Variants in DPYD observed in about 807,000 individuals in gnomAD.
DPYD encodes dihydropyrimidine dehydrogenase.
A neutral mutation model predicts 116.2 loss-of-function variants in DPYD; 109 were observed. That is an observed-to-expected ratio of 0.94 (90% confidence interval 0.80 to 1.10). The LOEUF is 1.10. DPYD is among the 50% of genes least tolerant of loss of function. The probability of loss-of-function intolerance (pLI) is 0.00; values close to 1 mark genes in which losing one functional copy is unlikely to be tolerated. For synonymous variants in DPYD, 440 were observed against 432.0 expected, an observed-to-expected ratio of 1.02 and a Z score of -0.23; for missense variants, 1,302 against 1,254.5, an observed-to-expected ratio of 1.04 and a Z score of -0.57.
chr1:97,532,284 A>T (rs917177091), intron 12 of DPYD, among the ~76,000 whole-genome samples: 3 of 152,104 alleles, frequency 2.0e-5, no homozygotes, highest in African/African-American at 7.2e-5. Flanking sequence ...TTGGTTTGCT[A>T]ATATTTCATT....
intron 18 of DPYD, among the ~76,000 whole-genome samples, chr1:97,264,605 T>C (rs1300041360): frequency 6.6e-6 from 1 of 152,204 alleles, no homozygotes; most frequent in Non-Finnish European, 1.5e-5. Flanking sequence ...CTAAATCCTA[T>C]TTTAACTTTT....
chr1:97,708,274 G>A (rs913095741), intron 5 of DPYD, among the ~76,000 whole-genome samples: 1 of 152,034 alleles, frequency 6.6e-6, no homozygotes, highest in African/African-American at 2.4e-5. Flanking sequence ...AAAGAGTTCT[G>A]TAGTTTTGTA....
intron 1 of DPYD, among the ~76,000 whole-genome samples, chr1:97,893,146 T>C (rs1672859007): frequency 6.6e-6 from 1 of 151,666 alleles, no homozygotes; most frequent in African/African-American, 2.4e-5. Context: ...ATATTGTCAA[T>C]TCTGAATGTA....
chr1:97,893,804 C>T (rs1672904255), intron 1 of DPYD, among the ~76,000 whole-genome samples: 1 of 151,470 alleles, frequency 6.6e-6, no homozygotes, highest in Admixed American at 6.6e-5. Context: ...TTTGCAAGGC[C>T]CAGTGTGTGA....
In DPYD at chr1:97,677,974, C is replaced by A. The variant is rs1406786631; in HGVS notation, c.850+1121G>T. On this transcript the variant is annotated intron_variant, in intron 8 of 22. Transcript: ENST00000370192. ...GAGTGTGAACTGCCGAAGAGACAGA[C>A]AAAGTAAAATACAGGACGATGAGTT... Among the ~76,000 whole-genome samples the A allele has an allele frequency of 3.3e-5, 5 of 152,046 alleles. No homozygotes were observed. In the East Asian group the frequency reaches 9.6e-4, roughly 29 times the overall value.
intron 20 of DPYD, among the ~76,000 whole-genome samples, chr1:97,152,271 T>A (rs1655079456): frequency 6.6e-6 from 1 of 152,184 alleles, no homozygotes; most frequent in Non-Finnish European, 1.5e-5. Flanking sequence ...AAACCATATC[T>A]AAACGAGATT....
chr1:97,083,471 G>C (rs964970754), intron 21 of DPYD, among the ~76,000 whole-genome samples: 2 of 151,614 alleles, frequency 1.3e-5, no homozygotes, highest in Non-Finnish European at 2.9e-5. Flanking sequence ...CATTATCATG[G>C]AATTTCAAAC....
intron 12 of DPYD, among the ~76,000 whole-genome samples, chr1:97,527,147 C>T (rs563439820): frequency 1.5e-4 from 22 of 151,278 alleles, no homozygotes; most frequent in African/African-American, 5.3e-4. Context: ...GGCGTGATCT[C>T]GGCTCACTGC....
intron 13 of DPYD, among the ~76,000 whole-genome samples, chr1:97,488,847 G>T (rs12121057): frequency 1.3e-5 from 2 of 152,102 alleles, no homozygotes; most frequent in Admixed American, 1.3e-4. Flanking sequence ...ACTTAATTTG[G>T]ATGTAATCAA....
At chr1:97,831,984 A>G (rs1669556763) in intron 2 of DPYD, among the ~76,000 whole-genome samples, 1 of 151,748 alleles carries the variant, frequency 6.6e-6, no homozygotes, top group Non-Finnish European at 1.5e-5. Flanking sequence ...AGAAAACTGA[A>G]AATTCGGAAC....
intron 18 of DPYD, among the ~76,000 whole-genome samples, chr1:97,258,204 T>G (rs763973474): frequency 7.0e-4 from 106 of 152,200 alleles, no homozygotes; most frequent in Non-Finnish European, 1.2e-3. Context: ...CACCTCTAAT[T>G]CAACAGCAGC....
intron 8 of DPYD, among the ~76,000 whole-genome samples, chr1:97,629,040 T>C (rs750239105): frequency 4.6e-5 from 7 of 152,090 alleles, no homozygotes; most frequent in Admixed American, 3.3e-4. Flanking sequence ...CCCTGGCAAT[T>C]AGTAAACAAT....
At chr1:97,586,518 ATG>A (rs1190577728) in intron 10 of DPYD, among the ~76,000 whole-genome samples, 13 of 80,342 alleles carry the variant, frequency 1.6e-4, no homozygotes, top group Admixed American at 4.6e-4. Context: ...ATATATATAT[ATG>A]CTGTGAAAAA....
intron 3 of DPYD, among the ~76,000 whole-genome samples, chr1:97,745,530 C>CT (rs1332963569): frequency 6.6e-6 from 1 of 152,046 alleles, no homozygotes; most frequent in African/African-American, 2.4e-5. Context: ...GAGAACTTTC[C>CT]TGTAAGTATT....
chr1:97,234,640 C>A (rs1308818656), intron 19 of DPYD, among the ~76,000 whole-genome samples: 2 of 152,104 alleles, frequency 1.3e-5, no homozygotes, highest in Non-Finnish European at 2.9e-5. Flanking sequence ...TAAGAAAAGA[C>A]AGTGGGTTCG....
At chr1:97,425,746 T>C (rs189549610) in intron 14 of DPYD, among the ~76,000 whole-genome samples, 8 of 152,198 alleles carry the variant, frequency 5.3e-5, no homozygotes, top group Admixed American at 5.2e-4. Context: ...CTCTGGTCAA[T>C]TCCCCTGCAT....
chr1:97,613,498 T>C (rs1305441161), intron 8 of DPYD, among the ~76,000 whole-genome samples: 2 of 151,952 alleles, frequency 1.3e-5, no homozygotes, highest in Non-Finnish European at 2.9e-5. Flanking sequence ...TCACAAAAAG[T>C]CCTTAAATGC....
rs998473947 is a variant in DPYD, at chr1:97,772,809, T to C, written c.234-32330A>G. On this transcript the variant is annotated intron_variant, in intron 3 of 22. Transcript: ENST00000370192. ...TGCTGAAGGAGGTAAACTAGTTTGA[T>C]TGAAGGCATACCTTAAAAGTAAACT... is the stretch of plus-strand genomic sequence containing the variant. Among the ~76,000 whole-genome samples, 6 of 152,178 alleles carry C rather than the reference T, an allele frequency of 3.9e-5. No individual in the cohort carries two copies. The South Asian group carries it at 1.0e-3, about 26-fold the overall frequency.
At chr1:97,281,881 A>G (rs1371366718) in intron 18 of DPYD, among the ~76,000 whole-genome samples, 1 of 152,072 alleles carries the variant, frequency 6.6e-6, no homozygotes, top group Non-Finnish European at 1.5e-5. Flanking sequence ...TGAATTATAT[A>G]TTGCCTTTAA....
Sources: allele counts gnomAD v4.1 joint callset (sites outside exome capture counted in the v4.1 genomes callset), GRCh38; gene constraint gnomAD v4.1.1; transcripts MANE v1.5; gene names NCBI Gene and HGNC (gene_info 2026-07-23, HGNC 2026-07-21).